Variants in NID2 observed in about 807,000 individuals in gnomAD.
NID2 encodes nidogen 2.
A neutral mutation model predicts 145.4 loss-of-function variants in NID2; 83 were observed. The observed-to-expected ratio is 0.57, with a 90% CI of 0.48 to 0.69. The LOEUF is 0.69. Ranked by LOEUF, NID2 falls within the 30% of genes least tolerant of loss-of-function variation. The probability of loss-of-function intolerance (pLI) is 0.00; values close to 1 mark genes in which losing one functional copy is unlikely to be tolerated. For missense variants in NID2, 1,807 were observed against 1,765.7 expected (o/e 1.02, Z -0.42); for synonymous variants, 739 against 701.3 (o/e 1.05, Z -0.85).
rs1891343755 is a variant in NID2 at position 52,020,005 on chromosome 14, A to G, written c.2794+54T>C. 8.8e-6 allele frequency: 14 copies of G among 1,598,672 alleles called. No individual in the cohort carries two copies. In the Middle Eastern group the frequency reaches 2.0e-3, roughly 229 times the overall value. On this transcript the variant is annotated intron_variant, in intron 13 of 21. Transcript: ENST00000216286. Reference sequence around the variant, plus strand: ...CAAGAGTGGGCTGTCATAGAAAAATATCCTTGAAGGAGCTAAGAGATTCAT... The same window carrying G: ...CAAGAGTGGGCTGTCATAGAAAAATGTCCTTGAAGGAGCTAAGAGATTCAT...
chr14:52,036,453 C>G (rs896356280), intron 9 of NID2, among the ~76,000 whole-genome samples: 7 of 152,328 alleles, frequency 4.6e-5, no homozygotes, highest in African/African-American at 1.7e-4. Flanking sequence ...ATTATGAATA[C>G]TGCCACTATG....
chr14:52,030,594 G>GAAAGAGAA (rs879756035), intron 9 of NID2, among the ~76,000 whole-genome samples: 2,287 of 77,648 alleles, frequency 0.029, 142 homozygotes, highest in Middle Eastern at 0.12. Flanking sequence ...AAGAAAGAAA[G>GAAAGAGAA]AAAGAAAGAA....
intron 13 of NID2, 87 bp downstream of exon 13, chr14:52,019,972 G>A: frequency 6.5e-7 from 1 of 1,547,224 alleles, no homozygotes; most frequent in Non-Finnish European, 8.8e-7. Context: ...CTCCAGACCA[G>A]GCTAAATCAA....
At chr14:52,059,939 G>A (rs948401564) in intron 3 of NID2, among the ~76,000 whole-genome samples, 185 bp downstream of exon 3, 1 of 152,154 alleles carries the variant, frequency 6.6e-6, no homozygotes, top group Non-Finnish European at 1.5e-5. Context: ...GAAAAATAAA[G>A]GACCTTTTAT....
chr14:52,041,960 G>C (rs10133930), intron 7 of NID2, 145 bp downstream of exon 7: 93,746 of 994,078 alleles, frequency 0.094, 4,972 homozygotes, highest in Middle Eastern at 0.18. Context: ...CCAACAACCT[G>C]TGGCCAGAAA....
chr14:52,020,142 G>A lies in NID2; in HGVS notation c.2711C>T (p.Ala904Val), dbSNP rs1891350280. ...ACCAGGAGTATTGTAGCAGGTAGCT[G>A]CAGGGTGACATCTGTTTTCTGAGCA... ...DECSENRCHP[A>V]ATCYNTPGSF... Residue 904 changes from alanine to valine, a missense_variant, in exon 13 of 22, where the codon GCA becomes GTA. Coordinates refer to ENST00000216286, the MANE Select transcript of NID2 (RefSeq NM_007361.4). 6.2e-7 allele frequency: 1 copy of A among 1,614,064 alleles called. No individual in the cohort carries two copies. The highest frequency in any genetic ancestry group is 8.5e-7 in the Non-Finnish European group (1 of 1,179,908).
chr14:52,012,513 G>A (rs1012065545), intron 16 of NID2, among the ~76,000 whole-genome samples: 3 of 152,108 alleles, frequency 2.0e-5, no homozygotes, highest in African/African-American at 7.2e-5. Flanking sequence ...TGGGAGGATC[G>A]CTTGAGCCCA....
intron 5 of NID2, among the ~76,000 whole-genome samples, chr14:52,046,723 G>A (rs749955307): frequency 3.5e-4 from 54 of 152,226 alleles, no homozygotes; most frequent in Non-Finnish European, 4.4e-5. Flanking sequence ...GCTATTATGA[G>A]ACTTAAACTG....
At chr14:52,041,952 A>C (rs1042641944) in intron 7 of NID2, among the ~76,000 whole-genome samples, 153 bp downstream of exon 7, 2 of 152,238 alleles carry the variant, frequency 1.3e-5, no homozygotes, top group Non-Finnish European at 2.9e-5. Context: ...AACCATTCCC[A>C]ACAACCTGTG....
chr14:52,033,315 C>T (rs1430521701), intron 9 of NID2, among the ~76,000 whole-genome samples: 3 of 152,080 alleles, frequency 2.0e-5, no homozygotes, highest in Non-Finnish European at 2.9e-5. Flanking sequence ...CTGCCCAGAG[C>T]CTCCTCAACT....
At chr14:52,024,012 A>T (rs8019307) in intron 12 of NID2, among the ~76,000 whole-genome samples, 4,178 of 152,304 alleles carry the variant, frequency 0.027, 184 homozygotes, top group African/African-American at 0.096. Flanking sequence ...ATGCCTTTAA[A>T]TATGCACACA....
rs1555363694 is a variant in NID2, at chr14:52,030,501, G to GAAAGAAAGAGAA, written c.2258-812_2258-811insTTCTCTTTCTTT. 5.7e-4 allele frequency among the ~76,000 whole-genome samples: 20 copies of GAAAGAAAGAGAA among 34,938 alleles called. 1 individual carries two copies. The highest frequency in any genetic ancestry group is 0.014 in the Middle Eastern group (1 of 74). 22.9% of individuals were successfully genotyped at this position (34,938 alleles called of 152,430 possible). ...GAAAGAAAAGAAAGAAAGAAAGAAAGAGAAAGAAAGAAAGAAAAGAAAGAA... is the reference window on the plus strand; with the variant it reads ...GAAAGAAAAGAAAGAAAGAAAGAAAGAAAGAAAGAGAAAGAAAGAAAGAAAGAAAAGAAAGAA... On this transcript the variant is annotated intron_variant, in intron 9 of 21. Coordinates refer to ENST00000216286, the MANE Select transcript of NID2 (RefSeq NM_007361.4).
At chr14:52,012,820 C>T (rs1249895184) in intron 16 of NID2, among the ~76,000 whole-genome samples, 4 of 152,124 alleles carry the variant, frequency 2.6e-5, no homozygotes, top group Admixed American at 2.0e-4. Flanking sequence ...CTGAGAAGCC[C>T]AGCAGATGTG....
chr14:52,030,530 A>G (rs1891781853), intron 9 of NID2, among the ~76,000 whole-genome samples: 1 of 51,660 alleles, frequency 1.9e-5, no homozygotes, highest in African/African-American at 6.4e-5. Context: ...GAAAGAAAGA[A>G]AGAAAGAAAG....
chr14:52,036,172 T>G (rs1416154658), intron 9 of NID2, among the ~76,000 whole-genome samples: 1 of 152,234 alleles, frequency 6.6e-6, no homozygotes, highest in East Asian at 1.9e-4. Context: ...TAACGCCCTA[T>G]GCTCTCATTA....
chr14:52,054,396 C>T, intron 3 of NID2, 75 bp from the exon 4 acceptor site: 2 of 1,424,104 alleles, frequency 1.4e-6, no homozygotes, highest in Middle Eastern at 2.0e-4. Flanking sequence ...AGAAGGTGAA[C>T]AACTTATTTT....
intron 5 of NID2, among the ~76,000 whole-genome samples, chr14:52,046,272 G>GC (rs1892488592): frequency 7.3e-6 from 1 of 137,792 alleles, no homozygotes; most frequent in South Asian, 2.4e-4. Context: ...GCAGTGAGCC[G>GC]AGATCGCACC....
At chr14:52,024,568 C>G (rs893437100) in intron 12 of NID2, among the ~76,000 whole-genome samples, 1 of 152,156 alleles carries the variant, frequency 6.6e-6, no homozygotes. Flanking sequence ...CCCAGCTGAG[C>G]CATTCCCAGG....
chr14:52,035,627 C>T (rs2645751), intron 9 of NID2, among the ~76,000 whole-genome samples: 81,974 of 150,992 alleles, frequency 0.54, 22,524 homozygotes, highest in Middle Eastern at 0.61. Context: ...GTGTAAGCCA[C>T]TGTACCCGAT....
Sources: allele counts gnomAD v4.1 joint callset (sites outside exome capture counted in the v4.1 genomes callset), GRCh38; gene constraint gnomAD v4.1.1; transcripts MANE v1.5; gene names NCBI Gene and HGNC (gene_info 2026-07-23, HGNC 2026-07-21).